The following ANO4 variants were observed in gnomAD, a reference collection of about 807,000 sequenced individuals.
ANO4 encodes anoctamin 4.
In ANO4, 69 loss-of-function variants were observed where a neutral mutation model predicts 141.9. The observed-to-expected ratio is 0.49, with a 90% CI of 0.40 to 0.59. The LOEUF is 0.59. Ranked by LOEUF, ANO4 falls within the 20% of genes least tolerant of loss-of-function variation. ANO4 has a pLI of 0.00. For synonymous variants in ANO4, 350 were observed against 394.3 expected, an observed-to-expected ratio of 0.89 and a Z score of 1.33; for missense variants, 894 against 1,162.2, an observed-to-expected ratio of 0.77 and a Z score of 3.36.
chr12:100,901,589 C>G (rs1006492976), intron 1 of ANO4, 57 bp from the exon 2 acceptor site: 4 of 643,466 alleles, frequency 6.2e-6, no homozygotes, highest in Non-Finnish European at 8.5e-6. Flanking sequence ...AGCGTAACAG[C>G]CTTTTAGCCA....
At chr12:100,957,803 A>G (rs1020272760) in intron 5 of ANO4, among the ~76,000 whole-genome samples, 1 of 152,198 alleles carries the variant, frequency 6.6e-6, no homozygotes, top group Non-Finnish European at 1.5e-5. Context: ...AAATGATAAT[A>G]TTTTCTTCAT....
At chr12:100,917,885 A>G (rs1272609091) in intron 2 of ANO4, among the ~76,000 whole-genome samples, 7 of 152,214 alleles carry the variant, frequency 4.6e-5, no homozygotes, top group Non-Finnish European at 8.8e-5. Context: ...ATGAATTTAG[A>G]AAATCTGTTA....
intron 2 of ANO4, among the ~76,000 whole-genome samples, chr12:100,916,821 C>T (rs1156937436): frequency 2.0e-5 from 3 of 152,074 alleles, no homozygotes; most frequent in Non-Finnish European, 4.4e-5. Context: ...GATGGGAAGG[C>T]ATTGACATAT....
intron 4 of ANO4, among the ~76,000 whole-genome samples, chr12:100,939,965 G>T (rs1255148183): frequency 6.6e-6 from 1 of 152,096 alleles, no homozygotes; most frequent in Non-Finnish European, 1.5e-5. Flanking sequence ...CTTTGTTCAG[G>T]TTGTGTCTCA....
At chr12:100,906,700 A>G (rs2040858570) in intron 2 of ANO4, among the ~76,000 whole-genome samples, 1 of 152,178 alleles carries the variant, frequency 6.6e-6, no homozygotes, top group African/African-American at 2.4e-5. Context: ...ATGATCTGGC[A>G]GGTAGCAGGA....
At chr12:101,049,106 G>A (rs1395121867) in intron 14 of ANO4, among the ~76,000 whole-genome samples, 1 of 152,206 alleles carries the variant, frequency 6.6e-6, no homozygotes, top group African/African-American at 2.4e-5. Context: ...CTTTGGAAAG[G>A]AAGATTCATG....
At chr12:100,895,943 A>C (rs12301692) in intron 1 of ANO4, among the ~76,000 whole-genome samples, 3,800 of 152,144 alleles carry the variant, frequency 0.025, 184 homozygotes, top group African/African-American at 0.087. Flanking sequence ...AACTCAGACC[A>C]AGCAGGAAAC....
intron 1 of ANO4, among the ~76,000 whole-genome samples, chr12:100,817,997 T>G (rs977345867): frequency 3.3e-5 from 5 of 151,832 alleles, no homozygotes; most frequent in Admixed American, 2.6e-4. Flanking sequence ...CATCTAACTT[T>G]AATGAATCAT....
In ANO4 at chr12:101,099,570, T is replaced by C. The variant is rs1318481234; in HGVS notation, c.2007-8T>C. The C allele has an allele frequency of 6.3e-7, 1 of 1,584,834 alleles. No homozygotes were observed. Among genetic ancestry groups the C allele is most frequent in the Non-Finnish European group, 8.5e-7 (1 of 1,171,772 alleles). Reference sequence around the variant, plus strand: ...CATTTTTTGTAAGAAATTGATCTTTTTGCCCAGGTTAATTCAGAATTGGTG... The same window carrying C: ...CATTTTTTGTAAGAAATTGATCTTTCTGCCCAGGTTAATTCAGAATTGGTG... On this transcript the variant is annotated splice_polypyrimidine_tract_variant and splice_region_variant and intron_variant, in intron 21 of 27. Transcript: ENST00000392977.
chr12:100,879,440 T>G (rs988494809), intron 1 of ANO4, among the ~76,000 whole-genome samples: 5 of 152,170 alleles, frequency 3.3e-5, no homozygotes, highest in African/African-American at 1.2e-4. Flanking sequence ...GTAAATCTAA[T>G]TGTTGTTTCT....
chr12:101,073,780 C>T (rs2048919532), intron 14 of ANO4, among the ~76,000 whole-genome samples: 1 of 151,980 alleles, frequency 6.6e-6, no homozygotes, highest in Admixed American at 6.6e-5. Flanking sequence ...GTGGAATCCT[C>T]AGATTTTCCT....
chr12:101,063,162 C>T (rs2048423396), intron 14 of ANO4, among the ~76,000 whole-genome samples: 1 of 152,228 alleles, frequency 6.6e-6, no homozygotes, highest in African/African-American at 2.4e-5. Flanking sequence ...CCTTGTGCTT[C>T]CTGGGTGAGA....
chr12:101,080,898 T>TAC (rs1279951129), intron 15 of ANO4, among the ~76,000 whole-genome samples: 3 of 124,076 alleles, frequency 2.4e-5, no homozygotes, highest in Admixed American at 1.7e-4. Context: ...TATATATATA[T>TAC]ATACATACAC....
intron 3 of ANO4, among the ~76,000 whole-genome samples, chr12:100,785,179 C>T (rs189809670): frequency 7.9e-5 from 12 of 152,224 alleles, no homozygotes; most frequent in Non-Finnish European, 1.3e-4. Flanking sequence ...CATAGCTCCC[C>T]CAACTACCAA....
At chr12:100,938,443 A>G (rs891063724) in intron 3 of ANO4, among the ~76,000 whole-genome samples, 4 of 152,218 alleles carry the variant, frequency 2.6e-5, no homozygotes, top group Non-Finnish European at 5.9e-5. Context: ...CCAATCCCTC[A>G]TGAATTATTT....
At position 101,095,824 on chromosome 12, in the gene ANO4, A is replaced by T. The variant is rs568869275; in HGVS notation, c.1739-712A>T. The stretch of plus-strand genomic sequence containing the variant: ...CATGAGATCTCTAGCTGGAGATTTG[A>T]TCTTAAGGGCAAATGGATCCATGTT... On this transcript the variant is annotated intron_variant, in intron 18 of 27. Transcript: ENST00000392977. Among the ~76,000 whole-genome samples the T allele has an allele frequency of 5.9e-5, 9 of 152,310 alleles. No individual in the cohort carries two copies. The South Asian group carries it at 1.9e-3, about 32-fold the overall frequency.
At chr12:101,073,713 G>A (rs1341040666) in intron 14 of ANO4, among the ~76,000 whole-genome samples, 1 of 151,806 alleles carries the variant, frequency 6.6e-6, no homozygotes, top group African/African-American at 2.4e-5. Context: ...AGAGTGTCCT[G>A]GTATCTGAAC....
Position 101,042,323 on chromosome 12 carries a change from G to A in ANO4, c.1020-11G>A, listed in dbSNP as rs1210400914. The A allele has an allele frequency of 1.2e-6, 2 of 1,614,076 alleles. No homozygotes were observed. The highest frequency in any genetic ancestry group is 2.2e-5 in the South Asian group (2 of 91,076). On this transcript the variant is annotated splice_polypyrimidine_tract_variant and intron_variant, in intron 11 of 27. Coordinates refer to ENST00000392977, the MANE Select transcript of ANO4 (RefSeq NM_001286615.2). ...GCACTGTAATTTGCAAGGCCGTTGT[G>A]TCTTTAACAGGCGGTACTTTGGAGA...
At chr12:101,123,535 C>T (rs536192739) in intron 26 of ANO4, among the ~76,000 whole-genome samples, 1 of 139,470 alleles carries the variant, frequency 7.2e-6, no homozygotes, top group Non-Finnish European at 1.5e-5. Flanking sequence ...GTGTTCTCAT[C>T]ATTCAGCTCC....
Sources: allele counts gnomAD v4.1 joint callset (sites outside exome capture counted in the v4.1 genomes callset), GRCh38; gene constraint gnomAD v4.1.1; transcripts MANE v1.5; gene names NCBI Gene and HGNC (gene_info 2026-07-23, HGNC 2026-07-21).